CDK19: variants seen among roughly 807,000 people sequenced by gnomAD.
CDK19 encodes cyclin-dependent kinase 19.
CDK19 carries 20 observed loss-of-function variants against 68.3 expected under a neutral mutation model. The ratio of observed to expected loss-of-function variants is 0.29; its 90% CI spans 0.21 to 0.43. CDK19 has a LOEUF of 0.43. Ranked by LOEUF, CDK19 falls within the 20% of genes least tolerant of loss-of-function variation. The pLI is 1.00. For missense variants in CDK19, 339 were observed against 623.5 expected (o/e 0.54, Z 4.86); for synonymous variants, 221 against 222.8 (o/e 0.99, Z 0.07).
upstream of CDK19, chr6:110,815,566 G>A (rs1783577002): frequency 1.3e-5 from 2 of 155,042 alleles, no homozygotes. Flanking sequence ...CAGCTCCCAG[G>A]TTACCTCGGG....
intron 1 of CDK19, among the ~76,000 whole-genome samples, chr6:110,808,899 T>C (rs1368820552): frequency 1.3e-5 from 2 of 152,062 alleles, no homozygotes; most frequent in African/African-American, 4.8e-5. Flanking sequence ...TCCTTAGCAA[T>C]ATCTAATATC....
At chr6:110,617,976 C>T (rs938146233) in intron 12 of CDK19, among the ~76,000 whole-genome samples, 1 of 151,638 alleles carries the variant, frequency 6.6e-6, no homozygotes, top group Non-Finnish European at 1.5e-5. Flanking sequence ...CTCACCAGCA[C>T]CATGACAGTT....
intron 2 of CDK19, among the ~76,000 whole-genome samples, chr6:110,745,719 C>T (rs944088748): frequency 6.6e-6 from 1 of 152,054 alleles, no homozygotes; most frequent in African/African-American, 2.4e-5. Context: ...TTAATTCCAG[C>T]AATTTGGGAG....
chr6:110,814,362 T>TC (rs1783391075), intron 1 of CDK19, among the ~76,000 whole-genome samples: 1 of 152,090 alleles, frequency 6.6e-6, no homozygotes, highest in Non-Finnish European at 1.5e-5. Flanking sequence ...AGGGGGAAGG[T>TC]ACGCAATTCA....
At chr6:110,638,045 T>A (rs913082816) in intron 5 of CDK19, among the ~76,000 whole-genome samples, 1 of 150,270 alleles carries the variant, frequency 6.7e-6, no homozygotes, top group Non-Finnish European at 1.5e-5. Context: ...GTAATAGGTA[T>A]AAATGATGCT....
In CDK19 at chr6:110,814,996, C is replaced by T; in HGVS notation, c.128+13G>A. The T allele has an allele frequency of 1.2e-6, 2 of 1,603,198 alleles. No individual in the cohort carries two copies. Among genetic ancestry groups the T allele is most frequent in the East Asian group, 2.3e-5 (1 of 43,082 alleles). ...GACCCGAGCGAGCCTACTCCTCCCG[C>T]CCCTGCTCTTACCCATCTTTCCGCC... On this transcript the variant is annotated intron_variant, in intron 1 of 12. Coordinates refer to ENST00000368911, the MANE Select transcript of CDK19 (RefSeq NM_015076.5).
At chr6:110,711,828 C>T (rs1330475512) in intron 2 of CDK19, among the ~76,000 whole-genome samples, 1 of 152,092 alleles carries the variant, frequency 6.6e-6, no homozygotes, top group Admixed American at 6.6e-5. Context: ...ATTAACCGGG[C>T]GTGGTGGCGG....
intron 6 of CDK19, among the ~76,000 whole-genome samples, chr6:110,627,453 A>C (rs376746307): frequency 1.3e-5 from 2 of 152,210 alleles, no homozygotes; most frequent in African/African-American, 4.8e-5. Context: ...TGATGACAAT[A>C]AATGGGGACA....
At chr6:110,616,943 T>C (rs1446057692) in intron 12 of CDK19, among the ~76,000 whole-genome samples, 1 of 152,208 alleles carries the variant, frequency 6.6e-6, no homozygotes, top group Non-Finnish European at 1.5e-5. Context: ...ATGTCCCGCT[T>C]TTCAAAGCGC....
intron 6 of CDK19, among the ~76,000 whole-genome samples, chr6:110,629,036 C>T (rs1388593064): frequency 6.6e-6 from 1 of 152,124 alleles, no homozygotes; most frequent in Non-Finnish European, 1.5e-5. Context: ...ACTCTTCCCC[C>T]GATATGGCTG....
intron 2 of CDK19, among the ~76,000 whole-genome samples, chr6:110,723,951 G>A (rs562344147): frequency 6.6e-6 from 1 of 151,518 alleles, no homozygotes; most frequent in Non-Finnish European, 1.5e-5. Context: ...TTTTATATGT[G>A]GTCTACAATT....
intron 1 of CDK19, among the ~76,000 whole-genome samples, chr6:110,763,645 C>A (rs1583046722): frequency 6.6e-6 from 1 of 152,142 alleles, no homozygotes; most frequent in Admixed American, 6.5e-5. Context: ...AAACTCCCAA[C>A]CTCAGGTGAA....
chr6:110,715,504 T>C (rs1652577619), intron 2 of CDK19, among the ~76,000 whole-genome samples: 1 of 152,168 alleles, frequency 6.6e-6, no homozygotes, highest in Non-Finnish European at 1.5e-5. Flanking sequence ...AGAAACTTTT[T>C]TTTTTGAGAC....
At chr6:110,702,783 T>C (rs1331130222) in intron 2 of CDK19, among the ~76,000 whole-genome samples, 1 of 152,166 alleles carries the variant, frequency 6.6e-6, no homozygotes, top group Non-Finnish European at 1.5e-5. Context: ...AAAAGATACA[T>C]ATGTAATGGT....
chr6:110,610,900 T>C lies in CDK19; in HGVS notation c.*3635A>G, dbSNP rs77990092. 2 of 152,178 alleles carry C rather than the reference T, an allele frequency of 1.3e-5. No individual in the cohort carries two copies. Among genetic ancestry groups the C allele is most frequent in the South Asian group, 2.1e-4 (1 of 4,822 alleles). 9.4% of individuals were successfully genotyped at this position (152,178 alleles called of 1,614,324 possible). ...AGAAAACAGCATCATTTTAGAGGCA[T>C]AGAGAACAAGTAGCAGTTGCTTCAC... On this transcript the variant is annotated 3_prime_UTR_variant, in exon 13 of 13. Coordinates refer to ENST00000368911, the MANE Select transcript of CDK19 (RefSeq NM_015076.5).
intron 1 of CDK19, among the ~76,000 whole-genome samples, chr6:110,798,845 T>C (rs1301992206): frequency 6.6e-6 from 1 of 151,814 alleles, no homozygotes; most frequent in Admixed American, 6.6e-5. Flanking sequence ...AAAATGCTAC[T>C]TAAAAAGACA....
intron 2 of CDK19, among the ~76,000 whole-genome samples, chr6:110,715,007 T>C (rs1775262803): frequency 6.6e-6 from 1 of 152,186 alleles, no homozygotes; most frequent in African/African-American, 2.4e-5. Flanking sequence ...GTGCTGGAAT[T>C]ACAGGCGTGA....
chr6:110,709,187 A>G (rs1774747517), intron 2 of CDK19, among the ~76,000 whole-genome samples: 3 of 152,206 alleles, frequency 2.0e-5, no homozygotes, highest in Admixed American at 1.3e-4. Flanking sequence ...TCTCAAAATA[A>G]TAAGAGCTAT....
Position 110,730,715 on chromosome 6 carries a change from C to T in CDK19, c.204+15411G>A, listed in dbSNP as rs1776684594. Among the ~76,000 whole-genome samples, 6 of 152,120 alleles carry T rather than the reference C, an allele frequency of 3.9e-5. No homozygotes were observed. In the South Asian group the frequency reaches 1.2e-3, roughly 31 times the overall value. On this transcript the variant is annotated intron_variant, in intron 2 of 12. Coordinates refer to ENST00000368911, the MANE Select transcript of CDK19 (RefSeq NM_015076.5). ...TGAACCTCAGTAGTCAAAGTGTCAC[C>T]TTTGGACCAGCAGCATCAGCATTAC...
Sources: gnomAD v4.1 joint callset for allele counts (sites outside exome capture counted in the v4.1 genomes callset) on GRCh38, gnomAD v4.1.1 for gene constraint, MANE v1.5 for transcripts, NCBI Gene and HGNC (gene_info 2026-07-23, HGNC 2026-07-21) for gene names.